The following HIRA variants were observed in gnomAD, a reference collection of about 807,000 sequenced individuals.
HIRA encodes protein HIRA.
A neutral mutation model predicts 126.6 loss-of-function variants in HIRA; 13 were observed. The ratio of observed to expected loss-of-function variants is 0.10; its 90% CI spans 0.07 to 0.16. The LOEUF is 0.16. Among genes scored for constraint, HIRA ranks in the 10% least tolerant of loss-of-function variants. The pLI is 1.00. For synonymous variants in HIRA, 511 were observed against 520.0 expected (o/e 0.98, Z 0.24); for missense variants, 834 against 1,314.4 (o/e 0.63, Z 5.65).
At chr22:19,399,542 T>C (rs1445645507) in intron 5 of HIRA, among the ~76,000 whole-genome samples, 1 of 152,168 alleles carries the variant, frequency 6.6e-6, no homozygotes, top group Non-Finnish European at 1.5e-5. Flanking sequence ...GGCCCGTGTG[T>C]ATTTGTCACT....
At chr22:19,422,383 A>G (rs1763950118) in intron 1 of HIRA, among the ~76,000 whole-genome samples, 1 of 151,936 alleles carries the variant, frequency 6.6e-6, no homozygotes, top group Non-Finnish European at 1.5e-5. Flanking sequence ...AGTTGGCATT[A>G]TAACTGGTCT....
chr22:19,382,708 A>C (rs1428547342), intron 13 of HIRA, among the ~76,000 whole-genome samples: 1 of 152,044 alleles, frequency 6.6e-6, no homozygotes, highest in East Asian at 1.9e-4. Context: ...AATAAAACCC[A>C]GAGTGAACTG....
intron 12 of HIRA, among the ~76,000 whole-genome samples, chr22:19,384,803 A>G (rs1601834784): frequency 6.7e-6 from 1 of 150,144 alleles, no homozygotes; most frequent in African/African-American, 2.4e-5. Context: ...ATAGGCATGC[A>G]CCACCATACC....
chr22:19,418,012 T>G (rs560959865), intron 1 of HIRA, among the ~76,000 whole-genome samples: 2 of 152,214 alleles, frequency 1.3e-5, no homozygotes, highest in Non-Finnish European at 1.5e-5. Flanking sequence ...AGGATTCCAC[T>G]TATATGAGCT....
chr22:19,334,036 G>A (rs567913814), intron 24 of HIRA, among the ~76,000 whole-genome samples: 7 of 151,424 alleles, frequency 4.6e-5, no homozygotes, highest in South Asian at 2.1e-4. Context: ...GTGCAGTGGT[G>A]TGATCTCGGC....
At chr22:19,345,175 G>GA (rs2088672894) in intron 24 of HIRA, among the ~76,000 whole-genome samples, 1 of 152,062 alleles carries the variant, frequency 6.6e-6, no homozygotes, top group African/African-American at 2.4e-5. Context: ...ACCAAATTGG[G>GA]AAAAAAGAAG....
At chr22:19,405,534 A>T in intron 5 of HIRA, 1 of 984,354 alleles carries the variant, frequency 1.0e-6, no homozygotes, top group Non-Finnish European at 1.2e-6. Context: ...GGGAAGTTCT[A>T]CATTAAAGAT....
rs781838556 is a variant in HIRA at position 19,356,243 on chromosome 22, G to A, written c.2442C>T (p.His814=). ...TGCCTGCATTACCTGCCAGGATGGA[G>A]TGTAGAGACTCTTCTTTCACCACAA... ...QVVVVKEESL[H]SILAGSDMTV... is the part of the protein sequence containing the mutation. The change falls in exon 20 of 25, where the codon CAC becomes CAT. Residue 814 remains histidine (H), a synonymous_variant. Coordinates refer to ENST00000263208, the MANE Select transcript of HIRA (RefSeq NM_003325.4). 2 of 1,614,004 alleles carry A rather than the reference G, an allele frequency of 1.2e-6. No individual in the cohort carries two copies. The highest frequency in any genetic ancestry group is 1.7e-5 in the Admixed American group (1 of 60,026).
At chr22:19,332,812 G>GA (rs1314707392) in intron 24 of HIRA, among the ~76,000 whole-genome samples, 1 of 148,860 alleles carries the variant, frequency 6.7e-6, no homozygotes, top group Non-Finnish European at 1.5e-5. Flanking sequence ...AAGGACATGA[G>GA]AAAAAAACAT....
chr22:19,331,436 C>A lies in HIRA; in HGVS notation c.*4G>T. 6.2e-7 allele frequency: 1 copy of A among 1,613,974 alleles called. No individual in the cohort carries two copies. Among genetic ancestry groups the A allele is most frequent in the Non-Finnish European group, 8.5e-7 (1 of 1,179,996 alleles). On this transcript the variant is annotated 3_prime_UTR_variant, in exon 25 of 25. Coordinates refer to ENST00000263208, the MANE Select transcript of HIRA (RefSeq NM_003325.4). ...TTGCTGCAGCCAGGGCAGGCTGGGG[C>A]AGGCTACTTGTCCCTCAGGATGTCG...
intron 24 of HIRA, among the ~76,000 whole-genome samples, chr22:19,338,455 G>A (rs1391857476): frequency 6.8e-6 from 1 of 147,938 alleles, no homozygotes; most frequent in East Asian, 2.0e-4. Flanking sequence ...GTAAAAACAA[G>A]CATGGTAAAT....
intron 1 of HIRA, among the ~76,000 whole-genome samples, chr22:19,414,235 C>G (rs1448480249): frequency 6.6e-6 from 1 of 152,184 alleles, no homozygotes. Context: ...TTGACAAGAG[C>G]AGCACAAATG....
At chr22:19,338,302 A>T (rs2146168380) in intron 24 of HIRA, among the ~76,000 whole-genome samples, 1 of 152,308 alleles carries the variant, frequency 6.6e-6, no homozygotes, top group South Asian at 2.1e-4. Flanking sequence ...GCACTACAAG[A>T]AATGCTAAAA....
intron 24 of HIRA, among the ~76,000 whole-genome samples, chr22:19,333,187 C>T (rs1002827769): frequency 1.6e-4 from 25 of 152,206 alleles, no homozygotes; most frequent in African/African-American, 6.0e-4. Context: ...GGATTAAAGG[C>T]GTGAGCCACT....
chr22:19,359,552 C>T, intron 17 of HIRA, 68 bp from the exon 18 acceptor site: 1 of 1,417,838 alleles, frequency 7.1e-7, no homozygotes, highest in Non-Finnish European at 9.3e-7. Context: ...CTCCAAGGCT[C>T]TGTAGCCTGG....
At chr22:19,391,106 G>A (rs1195215567) in intron 9 of HIRA, among the ~76,000 whole-genome samples, 2 of 152,054 alleles carry the variant, frequency 1.3e-5, no homozygotes, top group East Asian at 3.8e-4. Context: ...TCCATCAACA[G>A]GAGACTGTAT....
chr22:19,413,665 G>A (rs566038697), intron 1 of HIRA, among the ~76,000 whole-genome samples: 2 of 151,948 alleles, frequency 1.3e-5, no homozygotes, highest in East Asian at 1.9e-4. Flanking sequence ...AGGCTAGAGT[G>A]CAGTGGCGTG....
intron 24 of HIRA, among the ~76,000 whole-genome samples, chr22:19,342,788 C>T (rs1556007930): frequency 6.6e-6 from 1 of 152,196 alleles, no homozygotes; most frequent in African/African-American, 2.4e-5. Flanking sequence ...GTGAACAATA[C>T]ACTTGTACAC....
intron 13 of HIRA, among the ~76,000 whole-genome samples, chr22:19,379,034 CTTTTTT>C (rs530908549): frequency 6.9e-6 from 1 of 145,242 alleles, no homozygotes; most frequent in South Asian, 2.2e-4. Flanking sequence ...TTTTCTTTTT[CTTTTTT>C]TTTTTTGAGA....
Sources: gnomAD v4.1 joint callset for allele counts (sites outside exome capture counted in the v4.1 genomes callset) on GRCh38, gnomAD v4.1.1 for gene constraint, MANE v1.5 for transcripts, NCBI Gene and HGNC (gene_info 2026-07-23, HGNC 2026-07-21) for gene names.